HIP1: variants seen among roughly 807,000 people sequenced by gnomAD.
HIP1 encodes the protein huntingtin-interacting protein 1.
In HIP1, 65 loss-of-function variants were observed where a neutral mutation model predicts 147.6. That is an observed-to-expected ratio of 0.44 (90% CI 0.36 to 0.54). HIP1 has a LOEUF of 0.54. Ranked by LOEUF, HIP1 falls within the 20% of genes least tolerant of loss-of-function variation. HIP1 has a pLI of 0.00. For synonymous variants in HIP1, 479 were observed against 504.0 expected (o/e 0.95, Z 0.67); for missense variants, 1,061 against 1,299.6 (o/e 0.82, Z 2.82).
chr7:75,732,140 G>A (rs1233021726), intron 1 of HIP1, among the ~76,000 whole-genome samples: 6 of 152,060 alleles, frequency 3.9e-5, no homozygotes, highest in East Asian at 1.9e-4. Flanking sequence ...CGGTTCACTC[G>A]CTGTGTGACC....
At chr7:75,544,559 C>G (rs1324996974) in intron 27 of HIP1, 136 bp downstream of exon 27, 1 of 685,336 alleles carries the variant, frequency 1.5e-6, no homozygotes, top group African/African-American at 1.8e-5. Context: ...TCTAACCTAG[C>G]CAAGTGCCAT....
At chr7:75,575,275 A>G (rs1795806337) in intron 7 of HIP1, among the ~76,000 whole-genome samples, 1 of 152,112 alleles carries the variant, frequency 6.6e-6, no homozygotes, top group Non-Finnish European at 1.5e-5. Flanking sequence ...AGCCTGGCCA[A>G]CATGGCAAAA....
chr7:75,571,732 G>T (rs1334334912), intron 8 of HIP1, among the ~76,000 whole-genome samples: 1 of 152,096 alleles, frequency 6.6e-6, no homozygotes, highest in Non-Finnish European at 1.5e-5. Context: ...ACAGGCGCAT[G>T]TCACCATGCC....
chr7:75,708,729 C>T (rs1393422542), intron 1 of HIP1, among the ~76,000 whole-genome samples: 1 of 152,040 alleles, frequency 6.6e-6, no homozygotes, highest in Non-Finnish European at 1.5e-5. Context: ...TGTCTTTATG[C>T]CAGTACCACA....
intron 9 of HIP1, chr7:75,563,490 T>C: frequency 1.8e-6 from 1 of 548,270 alleles, no homozygotes; most frequent in Non-Finnish European, 3.2e-6. Context: ...CTACAAATCC[T>C]TTGGAAGAGT....
chr7:75,655,040 C>G (rs1799105859), intron 1 of HIP1, among the ~76,000 whole-genome samples: 3 of 152,200 alleles, frequency 2.0e-5, no homozygotes, highest in Admixed American at 2.0e-4. Flanking sequence ...AATGCCACTC[C>G]TGGGCATCTG....
intron 1 of HIP1, among the ~76,000 whole-genome samples, chr7:75,641,182 T>C (rs1798639290): frequency 6.6e-6 from 1 of 151,918 alleles, no homozygotes; most frequent in Non-Finnish European, 1.5e-5. Context: ...GGCGCACACC[T>C]GCAATCCCAG....
intron 1 of HIP1, among the ~76,000 whole-genome samples, chr7:75,675,971 C>A (rs1454031733): frequency 6.6e-6 from 1 of 152,112 alleles, no homozygotes; most frequent in Non-Finnish European, 1.5e-5. Context: ...GCATTGATGG[C>A]TTTTTCCCCC....
intron 1 of HIP1, among the ~76,000 whole-genome samples, chr7:75,664,279 TAC>T (rs1188007504): frequency 7.2e-6 from 1 of 139,462 alleles, no homozygotes; most frequent in East Asian, 2.2e-4. Context: ...CATACATATA[TAC>T]ACACATATAT....
At chr7:75,636,902 C>G (rs1342859943) in intron 1 of HIP1, among the ~76,000 whole-genome samples, 1 of 152,146 alleles carries the variant, frequency 6.6e-6, no homozygotes, top group African/African-American at 2.4e-5. Context: ...TGATTTCAAA[C>G]CTCTGTACCA....
At chr7:75,636,024 CAAAAA>C (rs34434184) in intron 1 of HIP1, among the ~76,000 whole-genome samples, 14 of 53,712 alleles carry the variant, frequency 2.6e-4, no homozygotes, top group African/African-American at 8.1e-4. Context: ...GACCCTGTCT[CAAAAA>C]AAAAAAAAAA....
At chr7:75,594,283 A>G (rs1796607946) in intron 2 of HIP1, among the ~76,000 whole-genome samples, 1 of 151,794 alleles carries the variant, frequency 6.6e-6, no homozygotes, top group Non-Finnish European at 1.5e-5. Context: ...TGCCTCAACA[A>G]CAACAGCAAC....
At chr7:75,735,665 C>CTCTTTTCTTTTCTTT in intron 1 of HIP1, among the ~76,000 whole-genome samples, 1 of 149,878 alleles carries the variant, frequency 6.7e-6, no homozygotes, top group Admixed American at 6.7e-5. Flanking sequence ...TAGGGCTGTT[C>CTCTTTTCTTTTCTTT]TCTTTTCTTT....
chr7:75,547,739 T>G lies in HIP1; in HGVS notation c.2465+16A>C. On this transcript the variant is annotated intron_variant, in intron 24 of 30. Transcript: ENST00000336926. The stretch of plus-strand genomic sequence containing the variant: ...GATCCTGCTCCCCTAGGTCCCACCA[T>G]GCCGCTCAGACCGACCTTTCATTCA... The G allele has an allele frequency of 6.2e-7, 1 of 1,609,526 alleles. No homozygotes were observed. The highest frequency in any genetic ancestry group is 8.5e-7 in the Non-Finnish European group (1 of 1,175,872).
At chr7:75,735,917 C>T (rs1294904562) in intron 1 of HIP1, among the ~76,000 whole-genome samples, 3 of 151,812 alleles carry the variant, frequency 2.0e-5, no homozygotes, top group Admixed American at 6.6e-5. Context: ...TTTTTCTTTA[C>T]TCTCCTACAC....
intron 1 of HIP1, among the ~76,000 whole-genome samples, chr7:75,623,963 G>A (rs1255894698): frequency 3.3e-5 from 5 of 152,176 alleles, no homozygotes; most frequent in African/African-American, 9.7e-5. Context: ...ATAGGAGGCT[G>A]AGGCAGGAGG....
At chr7:75,597,638 G>T (rs997464569) in intron 2 of HIP1, among the ~76,000 whole-genome samples, 2 of 151,732 alleles carry the variant, frequency 1.3e-5, no homozygotes, top group African/African-American at 4.8e-5. Flanking sequence ...TACTTGGGAG[G>T]TTGAGGCAGG....
chr7:75,738,887 G>T lies in HIP1; in HGVS notation c.34C>A (p.Pro12Thr). Residue 12 changes from proline (P) to threonine (T), a missense_variant, in exon 1 of 31, where the codon CCC (proline) becomes ACC (threonine). Coordinates refer to ENST00000336926, the MANE Select transcript of HIP1 (RefSeq NM_005338.7). ...CTCAGCACCTTGGGCAGTGGGTTGG[G>T]CACCTGCTTCATGGAGCTGGCCATC... Reference protein sequence around the residue: ...DRMASSMKQVPNPLPKVLSRR... With the variant: ...DRMASSMKQVTNPLPKVLSRR... 6.4e-7 allele frequency: 1 copy of T among 1,566,580 alleles called. No individual in the cohort carries two copies. The highest frequency in any genetic ancestry group is 8.6e-7 in the Non-Finnish European group (1 of 1,157,934).
chr7:75,691,094 A>G (rs1181359149), intron 1 of HIP1, among the ~76,000 whole-genome samples: 1 of 152,180 alleles, frequency 6.6e-6, no homozygotes, highest in Non-Finnish European at 1.5e-5. Context: ...ACGGGAATGG[A>G]GTTCTGATAC....
Sources: gnomAD v4.1 joint callset for allele counts (sites outside exome capture counted in the v4.1 genomes callset) on GRCh38, gnomAD v4.1.1 for gene constraint, MANE v1.5 for transcripts, NCBI Gene and HGNC (gene_info 2026-07-23, HGNC 2026-07-21) for gene names.